The following CUBN variants were observed in gnomAD, a reference collection of about 807,000 sequenced individuals.
CUBN encodes the protein cubilin, also known as 460 kDa receptor.
In CUBN, 282 loss-of-function variants were observed where a neutral mutation model predicts 405.3. That is an observed-to-expected ratio of 0.70 (90% CI 0.63 to 0.77). CUBN has a LOEUF of 0.77. Ranked by LOEUF, CUBN falls within the 30% of genes least tolerant of loss-of-function variation. The probability of loss-of-function intolerance (pLI) is 0.00; values close to 1 mark genes in which losing one functional copy is unlikely to be tolerated. For missense variants in CUBN, 4,514 were observed against 4,475.2 expected, an observed-to-expected ratio of 1.01 and a Z score of -0.25; for synonymous variants, 1,684 against 1,617.0, an observed-to-expected ratio of 1.04 and a Z score of -0.99.
chr10:16,927,267 G>A (rs1285237984), intron 41 of CUBN, among the ~76,000 whole-genome samples: 1 of 152,028 alleles, frequency 6.6e-6, no homozygotes, highest in Non-Finnish European at 1.5e-5. Context: ...AAAAGGAGGA[G>A]GCATTAATTC....
chr10:17,062,225 C>T (rs1419278708), intron 22 of CUBN, among the ~76,000 whole-genome samples: 2 of 152,068 alleles, frequency 1.3e-5, no homozygotes, highest in African/African-American at 4.8e-5. Flanking sequence ...ACGAATGAGT[C>T]ATGAATTGCA....
In CUBN at chr10:17,098,025, C is replaced by T. The variant is rs554642376; in HGVS notation, c.1765+1980G>A. Among the ~76,000 whole-genome samples the T allele has an allele frequency of 1.1e-3, 164 of 152,250 alleles. 5 individuals are homozygous for T. In the South Asian group the frequency reaches 0.033, roughly 30 times the overall value. The stretch of plus-strand genomic sequence containing the variant: ...CCAAACATAGGCTGAAAAATTCCCA[C>T]GCAGCACCTGTCTGGTTCTGTTGTA... On this transcript the variant is annotated intron_variant, in intron 14 of 66. Transcript: ENST00000377833.
chr10:16,950,217 A>G (rs545146504), intron 33 of CUBN, 106 bp from the exon 34 acceptor site: 2 of 734,646 alleles, frequency 2.7e-6, no homozygotes, highest in African/African-American at 3.5e-5. Flanking sequence ...TATAAAAAAT[A>G]GAAGGAATGA....
At chr10:16,874,607 G>A (rs979527306) in intron 57 of CUBN, 104 bp from the exon 58 acceptor site, 6 of 1,398,618 alleles carry the variant, frequency 4.3e-6, no homozygotes, top group Non-Finnish European at 6.0e-6. Flanking sequence ...CCCTAAAAGA[G>A]GTAATAATTA....
chr10:17,129,069 G>C, intron 2 of CUBN, 52 bp downstream of exon 2: 1 of 1,467,596 alleles, frequency 6.8e-7, no homozygotes, highest in South Asian at 1.1e-5. Context: ...GTTCAATTAA[G>C]TCACCGTATA....
In CUBN at chr10:16,884,208, C is replaced by T. The variant is rs181928835; in HGVS notation, c.8905+4209G>A. ...CGTGTTAGCCAGGATGTTCTCGACC[C>T]CCTGACCTCATGATCCGCCCACCTC... is the stretch of plus-strand genomic sequence containing the variant. On this transcript the variant is annotated intron_variant, in intron 56 of 66. Coordinates refer to ENST00000377833, the MANE Select transcript of CUBN (RefSeq NM_001081.4). Among the ~76,000 whole-genome samples the T allele has an allele frequency of 2.9e-3, 446 of 152,204 alleles. 6 individuals are homozygous for T. The highest frequency in any genetic ancestry group is 0.014 in the Middle Eastern group (4 of 294).
At chr10:16,888,902 A>G (rs1303938447) in intron 55 of CUBN, among the ~76,000 whole-genome samples, 1 of 152,208 alleles carries the variant, frequency 6.6e-6, no homozygotes, top group Non-Finnish European at 1.5e-5. Flanking sequence ...TAAAGAAATA[A>G]AACAGATAAA....
chr10:17,043,246 T>C (rs923782684), intron 26 of CUBN, among the ~76,000 whole-genome samples: 1 of 152,172 alleles, frequency 6.6e-6, no homozygotes, highest in Admixed American at 6.5e-5. Context: ...AATTCCATCA[T>C]GTTGCTATCT....
intron 22 of CUBN, among the ~76,000 whole-genome samples, chr10:17,056,464 C>T (rs1430983056): frequency 6.6e-6 from 1 of 151,968 alleles, no homozygotes; most frequent in African/African-American, 2.4e-5. Context: ...AAAAAATTAC[C>T]TGGGCATGGT....
chr10:16,980,805 G>C (rs528095914), intron 31 of CUBN, among the ~76,000 whole-genome samples: 126 of 151,692 alleles, frequency 8.3e-4, no homozygotes, highest in African/African-American at 2.8e-3. Context: ...CAAACCTGCA[G>C]CTTCTACACA....
At chr10:16,914,142 A>C (rs1841813832) in intron 47 of CUBN, 150 bp from the exon 48 acceptor site, 2 of 838,636 alleles carry the variant, frequency 2.4e-6, no homozygotes, top group Non-Finnish European at 3.8e-6. Context: ...ATTTTAGTGA[A>C]CATATACATT....
chr10:16,849,465 G>T (rs1839615822), intron 60 of CUBN, among the ~76,000 whole-genome samples: 1 of 152,024 alleles, frequency 6.6e-6, no homozygotes. Context: ...TCTCACCGGA[G>T]CCCCGTTCCA....
intron 59 of CUBN, among the ~76,000 whole-genome samples, chr10:16,868,378 C>T (rs1363264014): frequency 2.6e-5 from 4 of 152,168 alleles, no homozygotes; most frequent in Non-Finnish European, 4.4e-5. Context: ...TTTATCCACA[C>T]TATGGAAGAA....
At chr10:17,010,561 C>T (rs961903913) in intron 28 of CUBN, among the ~76,000 whole-genome samples, 1 of 152,116 alleles carries the variant, frequency 6.6e-6, no homozygotes, top group East Asian at 1.9e-4. Context: ...ATCACTTAAG[C>T]CTCAGAGCTC....
chr10:16,889,091 G>A (rs926853787), intron 55 of CUBN, among the ~76,000 whole-genome samples: 4 of 152,012 alleles, frequency 2.6e-5, no homozygotes, highest in Non-Finnish European at 4.4e-5. Flanking sequence ...CCTGGTTTTC[G>A]AAACAGAAAG....
intron 42 of CUBN, 23 bp from the exon 43 acceptor site, chr10:16,925,447 C>T (rs975099647): frequency 6.2e-7 from 1 of 1,609,692 alleles, no homozygotes; most frequent in African/African-American, 1.3e-5. Flanking sequence ...ATTAAAATTT[C>T]ATCAACTCCT....
At position 16,996,632 on chromosome 10, in the gene CUBN, G is replaced by A. The variant is rs531086029; in HGVS notation, c.4169-6117C>T. ...GTTCGTATCTGTGTGTTTTTAATAA[G>A]AGCTTTAATAAAAGCAAACCAGTAA... On this transcript the variant is annotated intron_variant, in intron 28 of 66. Transcript: ENST00000377833. Among the ~76,000 whole-genome samples, 4 of 142,136 alleles carry A rather than the reference G, an allele frequency of 2.8e-5. No homozygotes were observed. In the East Asian group the frequency reaches 8.2e-4, roughly 29 times the overall value. 93.2% of individuals were successfully genotyped at this position (142,136 alleles called of 152,430 possible).
At chr10:17,100,478 G>GATTTACCCCAATTTC (rs1376480270) in intron 13 of CUBN, among the ~76,000 whole-genome samples, 1 of 152,052 alleles carries the variant, frequency 6.6e-6, no homozygotes, top group Non-Finnish European at 1.5e-5. Context: ...TAATAACATA[G>GATTTACCCCAATTTC]ATTTACCCCA....
intron 31 of CUBN, among the ~76,000 whole-genome samples, chr10:16,963,394 C>T (rs1297467724): frequency 2.0e-5 from 3 of 151,702 alleles, no homozygotes; most frequent in African/African-American, 7.3e-5. Flanking sequence ...TCCATGTTGG[C>T]CAGGCTATTT....
Sources: allele counts gnomAD v4.1 joint callset (sites outside exome capture counted in the v4.1 genomes callset), GRCh38; gene constraint gnomAD v4.1.1; transcripts MANE v1.5; gene names NCBI Gene and HGNC (gene_info 2026-07-23, HGNC 2026-07-21).